ACE: variants seen among roughly 807,000 people sequenced by gnomAD.
ACE encodes angiotensin I converting enzyme.
In ACE, 122 loss-of-function variants were observed where a neutral mutation model predicts 162.3. The ratio of observed to expected loss-of-function variants is 0.75; its 90% CI spans 0.65 to 0.87. The LOEUF is 0.87. Ranked by LOEUF, ACE falls within the 40% of genes least tolerant of loss-of-function variation. The probability of loss-of-function intolerance (pLI) is 0.00; values close to 1 mark genes in which losing one functional copy is unlikely to be tolerated. For missense variants in ACE, 1,799 were observed against 1,735.1 expected (o/e 1.04, Z -0.65); for synonymous variants, 796 against 720.6 (o/e 1.10, Z -1.68).
In ACE at chr17:63,497,281, G is replaced by A. The variant is rs4980; in HGVS notation, c.3836G>A (p.Arg1279Gln). ...GTAGCCACCCTGGGCCTCAGCCAGC[G>A]GCTCTTCAGCATCCGCCACCGCAGC... ...LLVATLGLSQ[R>Q]LFSIRHRSLH... Residue 1279 changes from arginine (R) to glutamine (Q), a missense_variant, in exon 25 of 25, where the codon CGG (arginine) becomes CAG (glutamine). Physicochemically the swap from Arg to Gln is conservative, Grantham distance 43 (BLOSUM62 1). Transcript: ENST00000290866. 8,210 of 1,557,882 alleles carry A rather than the reference G, an allele frequency of 5.3e-3. 26 individuals are homozygous for A. Among genetic ancestry groups the A allele is most frequent in the Middle Eastern group, 9.6e-3 (48 of 4,984 alleles).
At chr17:63,485,608 T>C (rs549383635) in intron 13 of ACE, 416 of 502,400 alleles carry the variant, frequency 8.3e-4, no homozygotes, top group Non-Finnish European at 1.1e-3. Context: ...AAACCCCATC[T>C]CTAGTAAAAA....
At chr17:63,478,382 AG>A in intron 2 of ACE, 2 of 462,984 alleles carry the variant, frequency 4.3e-6, no homozygotes, top group Non-Finnish European at 7.9e-6. Flanking sequence ...AGAGTTGAGA[AG>A]GGCTGGGCGT....
chr17:63,489,268 G>T, intron 17 of ACE, 136 bp downstream of exon 17: 5 of 1,115,732 alleles, frequency 4.5e-6, no homozygotes. Context: ...TGGTTGCCCA[G>T]GCTGGAGGGG....
Position 63,484,375 on chromosome 17 carries a change from G to A in ACE, c.1755G>A (p.Leu585=), listed in dbSNP as rs930634473. The change falls in exon 12 of 25, where the codon CTG becomes CTA. Residue 585 remains leucine, a synonymous_variant. Coordinates refer to ENST00000290866, the MANE Select transcript of ACE (RefSeq NM_000789.4). The surrounding 1 kb of genome is among the most constrained non-coding windows in gnomAD (Gnocchi z 4.0). ...CCTCCAGGCCCTGGCAGGAGGTGCT[G>A]AAGGACATGGTCGGCTTAGATGCCC... ...AGSSRPWQEV[L]KDMVGLDALD... 1.2e-6 allele frequency: 2 copies of A among 1,611,846 alleles called. No homozygotes were observed. The highest frequency in any genetic ancestry group is 1.7e-6 in the Non-Finnish European group (2 of 1,179,922).
Position 63,496,466 on chromosome 17 carries a change from C to G in ACE, c.3453C>G (p.Pro1151=). ...GCCAGGCAGCTGGCCACACGGGCCCCCTGCACAAGTGTGACATCTACCAGT... is the reference window on the plus strand; with the variant it reads ...GCCAGGCAGCTGGCCACACGGGCCCGCTGCACAAGTGTGACATCTACCAGT... ...ALCQAAGHTG[P]LHKCDIYQSK... The change falls in exon 23 of 25, where the codon CCC becomes CCG. Residue 1151 remains proline, a synonymous_variant. Transcript: ENST00000290866. 1.2e-6 allele frequency: 2 copies of G among 1,614,200 alleles called. No homozygotes were observed.
Position 63,484,058 on chromosome 17 carries a change from G to A in ACE, c.1709+87G>A, listed in dbSNP as rs2029861609. 3 of 1,529,850 alleles carry A rather than the reference G, an allele frequency of 2.0e-6. No individual in the cohort carries two copies. The highest frequency in any genetic ancestry group is 2.6e-6 in the Non-Finnish European group (3 of 1,140,922). The allele number at this position is 1,529,850 out of a possible 1,614,324, so 94.8% of individuals were successfully genotyped here. A position where few individuals can be genotyped will look rare whatever the true frequency, so the allele number is the denominator to read the frequency against. On this transcript the variant is annotated intron_variant, in intron 11 of 24. Coordinates refer to ENST00000290866, the MANE Select transcript of ACE (RefSeq NM_000789.4). The surrounding 1 kb of genome is among the most constrained non-coding windows in gnomAD (Gnocchi z 4.0). The stretch of plus-strand genomic sequence containing the variant: ...CAGGAGGTGTCTGGCTGCTCTGATG[G>A]GGTGGGGGGCACCAACCACAGAGCT...
intron 6 of ACE, 100 bp downstream of exon 6, chr17:63,481,288 G>A: frequency 1.8e-6 from 2 of 1,142,670 alleles, no homozygotes; most frequent in Admixed American, 2.0e-5. Context: ...TTCGGGTACT[G>A]AGCAGCAGCC....
chr17:63,491,202 C>G lies in ACE; in HGVS notation c.2740-7C>G. On this transcript the variant is annotated splice_polypyrimidine_tract_variant and splice_region_variant and intron_variant, in intron 18 of 24. Coordinates refer to ENST00000290866, the MANE Select transcript of ACE (RefSeq NM_000789.4). This position sits in a 1 kb window ranked among gnomAD's most constrained non-coding sequence, Gnocchi z 4.4. ...CCCAGTTTGGGCAGAACTCCCTCTG[C>G]TTGCAGGGCTGGACGCCCAGGAGGA... is the stretch of plus-strand genomic sequence containing the variant. 6.2e-7 allele frequency: 1 copy of G among 1,613,966 alleles called. No individual in the cohort carries two copies. The highest frequency in any genetic ancestry group is 2.2e-5 in the East Asian group (1 of 44,860).
At chr17:63,486,910 G>A in intron 14 of ACE, 76 bp from the exon 15 acceptor site, 4 of 1,509,502 alleles carry the variant, frequency 2.6e-6, no homozygotes, top group Admixed American at 1.7e-5. Context: ...CAGCCCATGG[G>A]GCCTGGGGGT....
In ACE at chr17:63,484,425, A is replaced by G; in HGVS notation, c.1805A>G (p.Tyr602Cys). ...CTGGATGCCCAGCCGCTGCTCAAGT[A>G]CTTCCAGCCAGTCACCCAGTGGCTG... ...DALDAQPLLK[Y>C]FQPVTQWLQE... is the part of the protein sequence containing the mutation. Residue 602 changes from tyrosine to cysteine, a missense_variant, in exon 12 of 25, where the codon TAC becomes TGC. Coordinates refer to ENST00000290866, the MANE Select transcript of ACE (RefSeq NM_000789.4). This position sits in a 1 kb window ranked among gnomAD's most constrained non-coding sequence, Gnocchi z 4.0. 5 of 1,612,398 alleles carry G rather than the reference A, an allele frequency of 3.1e-6. No individual in the cohort carries two copies. The highest frequency in any genetic ancestry group is 4.2e-6 in the Non-Finnish European group (5 of 1,179,924).
At chr17:63,481,912 C>T (rs1486867006) in intron 7 of ACE, among the ~76,000 whole-genome samples, 174 bp downstream of exon 7, 1 of 152,150 alleles carries the variant, frequency 6.6e-6, no homozygotes, top group African/African-American at 2.4e-5. Flanking sequence ...TATTAGTCCA[C>T]CTTCTCTGGC....
In ACE at chr17:63,478,033, C is replaced by T. The variant is rs1439803774; in HGVS notation, c.352C>T (p.Arg118Cys). The change falls in exon 2 of 25, where the codon CGC becomes TGC. Residue 118 changes from arginine (R) to cysteine (C), a missense_variant. Coordinates refer to ENST00000290866, the MANE Select transcript of ACE (RefSeq NM_000789.4). Reference sequence around the variant, plus strand: ...GCAGAACTTCACGGACCCGCAGCTGCGCAGGATCATCGGAGCTGTGCGCAC... The same window carrying T: ...GCAGAACTTCACGGACCCGCAGCTGTGCAGGATCATCGGAGCTGTGCGCAC... The part of the protein sequence containing the change: ...IWQNFTDPQL[R>C]RIIGAVRTLG... The T allele has an allele frequency of 6.2e-7, 1 of 1,608,006 alleles. No homozygotes were observed.
At position 63,491,345 on chromosome 17, in the gene ACE, C is replaced by A. The variant is rs764275894; in HGVS notation, c.2876C>A (p.Ala959Asp). ...GACGGGCGGGAGGTGGTCTGCCACG[C>A]CTCGGCCTGGGACTTCTACAACGGC... is the stretch of plus-strand genomic sequence containing the variant. The part of the protein sequence containing the change: ...PTDGREVVCH[A>D]SAWDFYNGKD... Residue 959 changes from alanine to aspartate, a missense_variant, in exon 19 of 25, where the codon GCC (alanine) becomes GAC (aspartate). Transcript: ENST00000290866. The surrounding 1 kb of genome is among the most constrained non-coding windows in gnomAD (Gnocchi z 4.4). 37 of 1,614,036 alleles carry A rather than the reference C, an allele frequency of 2.3e-5. No individual in the cohort carries two copies. Among genetic ancestry groups the A allele is most frequent in the Non-Finnish European group, 2.9e-5 (34 of 1,180,036 alleles).
At chr17:63,487,172 C>G (rs55907121) in intron 15 of ACE, 99 bp downstream of exon 15, 165 of 1,028,316 alleles carry the variant, frequency 1.6e-4, no homozygotes, top group Admixed American at 4.4e-4. Context: ...TCCCCTCGCT[C>G]TTGGGGTCAG....
intron 1 of ACE, 86 bp downstream of exon 1, chr17:63,477,429 G>T: frequency 1.2e-5 from 13 of 1,088,278 alleles, no homozygotes; most frequent in Non-Finnish European, 1.5e-5. Flanking sequence ...GGGCAGGCTG[G>T]CGCCCCCGAC....
chr17:63,493,845 C>T (rs2030550479), intron 20 of ACE, 77 bp from the exon 21 acceptor site: 2 of 1,604,622 alleles, frequency 1.2e-6, no homozygotes. Context: ...GCACCCCCAC[C>T]CCTCCACCAT....
At position 63,491,423 on chromosome 17, in the gene ACE, G is replaced by A. The variant is rs751467155; in HGVS notation, c.2912+42G>A. ...CTCAGGTCTCGTTCCTGAGCCCCACGGGCAAGGGAAATGAACCAAGCAAAG... is the reference window on the plus strand; with the variant it reads ...CTCAGGTCTCGTTCCTGAGCCCCACAGGCAAGGGAAATGAACCAAGCAAAG... On this transcript the variant is annotated intron_variant, in intron 19 of 24. Coordinates refer to ENST00000290866, the MANE Select transcript of ACE (RefSeq NM_000789.4). This position sits in a 1 kb window ranked among gnomAD's most constrained non-coding sequence, Gnocchi z 4.4. 8.7e-6 allele frequency: 14 copies of A among 1,612,786 alleles called. No individual in the cohort carries two copies. The East Asian group carries it at 8.9e-5, about 10-fold the overall frequency.
Position 63,497,276 on chromosome 17 carries a change from C to A in ACE, c.3831C>A (p.Ser1277Arg). The A allele has an allele frequency of 6.4e-7, 1 of 1,560,104 alleles. No homozygotes were observed. Residue 1277 changes from serine to arginine, a missense_variant, in exon 25 of 25, where the codon AGC becomes AGA. By Grantham distance (110) the Ser-to-Arg change is moderately radical (BLOSUM62 -1). Transcript: ENST00000290866. ...TGCTGGTAGCCACCCTGGGCCTCAG[C>A]CAGCGGCTCTTCAGCATCCGCCACC... is the stretch of plus-strand genomic sequence containing the variant. The part of the protein sequence containing the change: ...IALLVATLGL[S>R]QRLFSIRHRS...
At chr17:63,496,263 G>A in intron 22 of ACE, 131 bp from the exon 23 acceptor site, 1 of 1,362,726 alleles carries the variant, frequency 7.3e-7, no homozygotes, top group Non-Finnish European at 1.0e-6. Context: ...GGGCAGAGTT[G>A]GGGGGCCTTG....
Sources: allele counts gnomAD v4.1 joint callset (sites outside exome capture counted in the v4.1 genomes callset), GRCh38; gene constraint gnomAD v4.1.1; non-coding constraint Gnocchi (gnomAD v3.1); transcripts MANE v1.5; gene names NCBI Gene and HGNC (gene_info 2026-07-23, HGNC 2026-07-21).